Variants in ERC1 observed in about 807,000 individuals in gnomAD.
The protein encoded by ERC1 is ELKS/RAB6-interacting/CAST family member 1.
ERC1 carries 56 observed loss-of-function variants against 132.0 expected under a neutral mutation model. That is an observed-to-expected ratio of 0.42 (90% CI 0.34 to 0.53). The LOEUF (loss-of-function observed/expected upper bound fraction) is 0.53, where lower values mean the gene tolerates loss of function less well. Ranked by LOEUF, ERC1 falls within the 20% of genes least tolerant of loss-of-function variation. The probability of loss-of-function intolerance (pLI) is 0.03; values close to 1 mark genes in which losing one functional copy is unlikely to be tolerated. For missense variants in ERC1, 1,202 were observed against 1,349.9 expected (o/e 0.89, Z 1.72); for synonymous variants, 478 against 476.1 (o/e 1.00, Z -0.05).
chr12:1,069,558 T>G (rs1040201021), intron 2 of ERC1, among the ~76,000 whole-genome samples: 1 of 152,184 alleles, frequency 6.6e-6, no homozygotes, highest in South Asian at 2.1e-4. Flanking sequence ...AGTAAGTGAA[T>G]GGATACATTG....
chr12:1,471,252 C>T (rs2093854222), intron 18 of ERC1, among the ~76,000 whole-genome samples: 1 of 152,144 alleles, frequency 6.6e-6, no homozygotes, highest in African/African-American at 2.4e-5. Context: ...CAGCGAGACC[C>T]TTTCTCTAAA....
chr12:1,078,180 A>C (rs914416209), intron 2 of ERC1, among the ~76,000 whole-genome samples: 1 of 152,200 alleles, frequency 6.6e-6, no homozygotes, highest in African/African-American at 2.4e-5. Context: ...TGGTCAGAAA[A>C]GGAGGAACAG....
At chr12:1,413,599 A>G (rs1350276589) in intron 17 of ERC1, among the ~76,000 whole-genome samples, 1 of 151,646 alleles carries the variant, frequency 6.6e-6, no homozygotes, top group African/African-American at 2.4e-5. Context: ...CTCCAAAAAA[A>G]AGAAAAGGTA....
intron 7 of ERC1, among the ~76,000 whole-genome samples, chr12:1,133,923 C>A (rs565343589): frequency 5.6e-4 from 85 of 152,254 alleles, no homozygotes; most frequent in African/African-American, 2.0e-3. Context: ...TATTTCTGAT[C>A]TCAGTTTTCA....
chr12:1,454,734 G>A (rs78605395), intron 18 of ERC1, among the ~76,000 whole-genome samples: 1,859 of 152,124 alleles, frequency 0.012, 41 homozygotes, highest in African/African-American at 0.042. Flanking sequence ...TCCTAAATTG[G>A]TGTGCATTTT....
intron 8 of ERC1, among the ~76,000 whole-genome samples, chr12:1,165,833 A>G (rs768528447): frequency 6.6e-6 from 1 of 152,194 alleles, no homozygotes; most frequent in Non-Finnish European, 1.5e-5. Context: ...CATAAAATTT[A>G]CCATTTTAAA....
intron 18 of ERC1, among the ~76,000 whole-genome samples, chr12:1,451,074 G>A (rs990068242): frequency 5.3e-5 from 8 of 152,092 alleles, no homozygotes; most frequent in Admixed American, 2.0e-4. Flanking sequence ...TCAGATATAC[G>A]ATTTGCAAAT....
chr12:1,485,450 A>G (rs540744769), intron 18 of ERC1, among the ~76,000 whole-genome samples: 6 of 150,806 alleles, frequency 4.0e-5, no homozygotes, highest in Admixed American at 2.0e-4. Flanking sequence ...TGATCTGCCC[A>G]CCTTGGCCTC....
At chr12:1,180,287 G>GCA (rs1187071072) in intron 8 of ERC1, among the ~76,000 whole-genome samples, 49 of 132,386 alleles carry the variant, frequency 3.7e-4, no homozygotes, top group Non-Finnish European at 6.3e-4. Context: ...GTGTGTGCGC[G>GCA]CACGCGTGTG....
At chr12:1,236,291 A>T (rs532752043) in intron 12 of ERC1, among the ~76,000 whole-genome samples, 40 of 152,308 alleles carry the variant, frequency 2.6e-4, no homozygotes, top group African/African-American at 9.4e-4. Context: ...AGCTAGGTTT[A>T]TGGATTTTTA....
chr12:1,109,362 C>T (rs1945600365), intron 4 of ERC1, among the ~76,000 whole-genome samples: 1 of 152,178 alleles, frequency 6.6e-6, no homozygotes, highest in Admixed American at 6.5e-5. Flanking sequence ...AATTATTCCC[C>T]CATTTTTCTG....
intron 13 of ERC1, among the ~76,000 whole-genome samples, chr12:1,262,190 T>C (rs61912033): frequency 0.19 from 29,197 of 152,254 alleles, 3,327 homozygotes; most frequent in Non-Finnish European, 0.26. Flanking sequence ...TCTAGTTTCA[T>C]AAGAAGTTAA....
intron 13 of ERC1, among the ~76,000 whole-genome samples, chr12:1,254,557 G>A (rs2154317545): frequency 6.6e-6 from 1 of 151,952 alleles, no homozygotes; most frequent in East Asian, 1.9e-4. Flanking sequence ...CCCTCTCCCA[G>A]GCTGGAGTGT....
At chr12:1,083,775 T>C (rs1036923234) in intron 3 of ERC1, among the ~76,000 whole-genome samples, 195 bp downstream of exon 3, 2 of 152,214 alleles carry the variant, frequency 1.3e-5, no homozygotes, top group African/African-American at 4.8e-5. Context: ...CTGGTATGTA[T>C]GCTGGCTCAG....
At chr12:1,045,968 G>A (rs566170092) in intron 2 of ERC1, among the ~76,000 whole-genome samples, 2 of 152,206 alleles carry the variant, frequency 1.3e-5, no homozygotes, top group East Asian at 1.9e-4. Context: ...GTCAACATCA[G>A]CAGGTGTAAA....
At chr12:1,149,651 G>A (rs748562878) in intron 8 of ERC1, among the ~76,000 whole-genome samples, 2 of 151,972 alleles carry the variant, frequency 1.3e-5, no homozygotes, top group Non-Finnish European at 2.9e-5. Context: ...TGCCCACCTC[G>A]GCCTCCCAAA....
intron 8 of ERC1, among the ~76,000 whole-genome samples, chr12:1,155,728 C>T (rs1488666932): frequency 6.6e-6 from 1 of 152,142 alleles, no homozygotes; most frequent in Admixed American, 6.5e-5. Context: ...GCCTCAGCCT[C>T]CCAAAGTGCT....
chr12:1,036,853 T>C (rs1969190368), intron 2 of ERC1, among the ~76,000 whole-genome samples: 1 of 152,258 alleles, frequency 6.6e-6, no homozygotes, highest in South Asian at 2.1e-4. Context: ...GTTTAATCTT[T>C]TTTGTTGTTT....
intron 8 of ERC1, among the ~76,000 whole-genome samples, chr12:1,157,202 C>T (rs530553206): frequency 2.5e-4 from 38 of 152,070 alleles, no homozygotes; most frequent in Non-Finnish European, 4.7e-4. Context: ...TCCCAGGCTC[C>T]AAGCCAACCT....
Sources: gnomAD v4.1 joint callset for allele counts (sites outside exome capture counted in the v4.1 genomes callset) on GRCh38, gnomAD v4.1.1 for gene constraint, MANE v1.5 for transcripts, NCBI Gene and HGNC (gene_info 2026-07-23, HGNC 2026-07-21) for gene names.